ZBTB37: variants seen among roughly 807,000 people sequenced by gnomAD.
The protein encoded by ZBTB37 is zinc finger and BTB domain containing 37.
A neutral mutation model predicts 37.7 loss-of-function variants in ZBTB37; 15 were observed. That is an observed-to-expected ratio of 0.40 (90% CI 0.27 to 0.61). ZBTB37 has a LOEUF of 0.61. Among genes scored for constraint, ZBTB37 ranks in the 20% least tolerant of loss-of-function variants. ZBTB37 has a pLI of 0.44. For synonymous variants in ZBTB37, 231 were observed against 220.6 expected (o/e 1.05, Z -0.42); for missense variants, 514 against 641.9 (o/e 0.80, Z 2.15).
chr1:173,878,845 A>G (rs928975806), intron 4 of ZBTB37, among the ~76,000 whole-genome samples: 1 of 152,144 alleles, frequency 6.6e-6, no homozygotes, highest in Non-Finnish European at 1.5e-5. Flanking sequence ...GCACTTTGGG[A>G]GGCTGAGATG....
chr1:173,881,403 G>A (rs369736621), intron 4 of ZBTB37, among the ~76,000 whole-genome samples: 26 of 152,200 alleles, frequency 1.7e-4, no homozygotes, highest in East Asian at 5.8e-4. Context: ...GAACAGTGTC[G>A]CAATAAACAT....
chr1:173,875,300 TTATA>T (rs990223590), intron 4 of ZBTB37, among the ~76,000 whole-genome samples: 2 of 149,276 alleles, frequency 1.3e-5, no homozygotes, highest in East Asian at 2.0e-4. Flanking sequence ...AGCATTTTAT[TTATA>T]TATATATGTG....
intron 4 of ZBTB37, among the ~76,000 whole-genome samples, chr1:173,877,990 T>C (rs1050188059): frequency 1.3e-5 from 2 of 152,212 alleles, no homozygotes; most frequent in Non-Finnish European, 2.9e-5. Flanking sequence ...TTCAAGTGAT[T>C]TACAGTCTTT....
intron 3 of ZBTB37, among the ~76,000 whole-genome samples, chr1:173,871,716 G>C (rs1161132051): frequency 1.3e-5 from 2 of 152,110 alleles, no homozygotes; most frequent in African/African-American, 4.8e-5. Context: ...TATCTTCCCT[G>C]TTTTCTTTCA....
chr1:173,871,123 C>T (rs551484629), exon 3 of ZBTB37: 49 of 1,608,432 alleles, frequency 3.0e-5, no homozygotes, highest in African/African-American at 1.1e-4. Flanking sequence ...CAAGGTGGCT[C>T]GGCCAACAAG....
downstream of ZBTB37, chr1:173,887,113 TTTTTAAATCCACAGGTCTCCATATTTG>T (rs1169040994): frequency 1.3e-5 from 2 of 152,358 alleles, no homozygotes; most frequent in East Asian, 3.9e-4. Flanking sequence ...CTGGATTGTA[TTTTTAAATCCACAGGTCTCCATATTTG>T]ATAACTTTTA....
chr1:173,871,702 A>G (rs1262434768), intron 3 of ZBTB37, among the ~76,000 whole-genome samples: 1 of 152,116 alleles, frequency 6.6e-6, no homozygotes, highest in Non-Finnish European at 1.5e-5. Context: ...TTGTCACGTG[A>G]TGGTATCTTC....
intron 4 of ZBTB37, among the ~76,000 whole-genome samples, chr1:173,882,323 G>A (rs1200293568): frequency 7.1e-6 from 1 of 140,616 alleles, no homozygotes; most frequent in Non-Finnish European, 1.5e-5. Context: ...CTCACTGCAA[G>A]CTCTGCCTCC....
exon 4 of ZBTB37, chr1:173,899,501 C>T (rs1657178568): frequency 1.3e-5 from 2 of 152,216 alleles, no homozygotes; most frequent in African/African-American, 2.4e-5. Context: ...TAAATCTGGA[C>T]AGAAGCCATG....
In ZBTB37 at chr1:173,873,400, A is replaced by G. The variant is rs1655699985; in HGVS notation, c.924-67A>G. The G allele has an allele frequency of 4.1e-6, 6 of 1,480,270 alleles. 1 individual carries two copies. The highest frequency in any genetic ancestry group is 1.8e-4 in the Middle Eastern group (1 of 5,576). The allele number at this position is 1,480,270 out of a possible 1,614,324, so 91.7% of individuals were successfully genotyped here. On this transcript the variant is annotated intron_variant, in intron 3 of 4. Transcript: ENST00000427304. ...CAGCCATAGAATAAAGAGGGGCGAC[A>G]TCACCATTTTTCAGGTTCTTTGATG...
chr1:173,903,536 G>T, exon 4 of ZBTB37: 1 of 287,574 alleles, frequency 3.5e-6, no homozygotes, highest in Non-Finnish European at 6.7e-6. Flanking sequence ...GAATTAAATG[G>T]TTTAATACTC....
At chr1:173,880,966 T>A (rs973836997) in intron 4 of ZBTB37, among the ~76,000 whole-genome samples, 6 of 151,956 alleles carry the variant, frequency 3.9e-5, no homozygotes, top group East Asian at 3.9e-4. Context: ...TTTTTTTTTT[T>A]AATTATGCTT....
chr1:173,900,615 G>A (rs946458586), exon 4 of ZBTB37: 1 of 152,178 alleles, frequency 6.6e-6, no homozygotes, highest in African/African-American at 2.4e-5. Flanking sequence ...ACAAGTACGT[G>A]GTAATTTGAA....
chr1:173,885,127 A>C (rs1219834763), intron 4 of ZBTB37, among the ~76,000 whole-genome samples: 2 of 152,178 alleles, frequency 1.3e-5, no homozygotes, highest in African/African-American at 4.8e-5. Flanking sequence ...CCAGCTACTC[A>C]GGAGGCTGAG....
intron 1 of ZBTB37, 39 bp from the exon 2 acceptor site, chr1:173,868,886 T>A (rs1400760354): frequency 6.5e-6 from 1 of 152,774 alleles, no homozygotes; most frequent in Non-Finnish European, 1.5e-5. Flanking sequence ...AGTGCTGGAG[T>A]GGCCAACCCC....
intron 4 of ZBTB37, among the ~76,000 whole-genome samples, chr1:173,874,357 C>T (rs539771952): frequency 2.8e-5 from 4 of 143,064 alleles, no homozygotes; most frequent in African/African-American, 8.0e-5. Flanking sequence ...TTTTTTGAGA[C>T]GGAGTCTCGA....
At chr1:173,885,683 C>G in exon 5 of ZBTB37, 1 of 1,552,052 alleles carries the variant, frequency 6.4e-7, no homozygotes, top group Non-Finnish European at 8.7e-7. Flanking sequence ...TGGAGTATCT[C>G]CGAGAGCAGG....
intron 4 of ZBTB37, among the ~76,000 whole-genome samples, chr1:173,882,391 G>A (rs1173232704): frequency 5.3e-5 from 8 of 151,386 alleles, no homozygotes; most frequent in East Asian, 2.0e-4. Flanking sequence ...ACAGGCACCC[G>A]CCACCACGCC....
At chr1:173,894,835 G>A (rs1656983521) in exon 4 of ZBTB37, 1 of 151,988 alleles carries the variant, frequency 6.6e-6, no homozygotes, top group South Asian at 2.1e-4. Context: ...TTGACTCTTT[G>A]GTGTTTATTC....
Sources: allele counts gnomAD v4.1 joint callset (sites outside exome capture counted in the v4.1 genomes callset), GRCh38; gene constraint gnomAD v4.1.1; transcripts MANE v1.5; gene names NCBI Gene and HGNC (gene_info 2026-07-23, HGNC 2026-07-21).